Variants in ARB2A observed in about 807,000 individuals in gnomAD.
ARB2A encodes the protein ARB2 cotranscriptional regulator A.
the ARB2A span, chr5:93,621,272 GCCCGCGCCCCGCCCCTCAGCCAGGA>G: frequency 1.5e-6 from 1 of 662,238 alleles, no homozygotes; most frequent in Admixed American, 5.6e-5. Flanking sequence ...CGCCTCAGCC[GCCCGCGCCCCGCCCCTCAGCCAGGA>G]CCCCCGCCCC....
the ARB2A span, among the ~76,000 whole-genome samples, chr5:93,655,805 T>C: frequency 6.6e-6 from 1 of 152,200 alleles, no homozygotes; most frequent in Non-Finnish European, 1.5e-5. Flanking sequence ...GGGCCACATA[T>C]GACAACACCC....
the ARB2A span, among the ~76,000 whole-genome samples, chr5:94,083,635 T>C: frequency 6.6e-6 from 1 of 152,122 alleles, no homozygotes; most frequent in South Asian, 2.1e-4. Flanking sequence ...CAGAAAAGAA[T>C]GCCCATCATT....
the ARB2A span, among the ~76,000 whole-genome samples, chr5:93,995,687 C>T: frequency 7.3e-4 from 111 of 152,072 alleles, no homozygotes; most frequent in Non-Finnish European, 1.5e-3. Context: ...GGGTCAACTG[C>T]AGTTTGTTAT....
chr5:93,634,671 T>C, the ARB2A span, among the ~76,000 whole-genome samples: 1 of 152,104 alleles, frequency 6.6e-6, no homozygotes, highest in Non-Finnish European at 1.5e-5. Flanking sequence ...AGTCAAACTT[T>C]AAGTGTTCAT....
At chr5:94,044,647 T>C in the ARB2A span, among the ~76,000 whole-genome samples, 2 of 152,078 alleles carry the variant, frequency 1.3e-5, no homozygotes, top group African/African-American at 4.8e-5. Flanking sequence ...TGAGACCTAC[T>C]GGGCTGCATT....
chr5:94,012,073 G>A, the ARB2A span, among the ~76,000 whole-genome samples: 3 of 152,052 alleles, frequency 2.0e-5, no homozygotes, highest in Non-Finnish European at 4.4e-5. Context: ...AAGTCACAAT[G>A]TTAAATATTG....
chr5:93,635,458 A>ATTTTTTTTTTTTTT, the ARB2A span, among the ~76,000 whole-genome samples: 1 of 140,700 alleles, frequency 7.1e-6, no homozygotes, highest in African/African-American at 3.0e-5. Flanking sequence ...TTTATACGAA[A>ATTTTTTTTTTTTTT]GTTTTTTTTT....
the ARB2A span, among the ~76,000 whole-genome samples, chr5:93,872,178 C>G: frequency 6.6e-6 from 1 of 152,062 alleles, no homozygotes; most frequent in East Asian, 1.9e-4. Context: ...GAAATCCTGA[C>G]TTCAAGTGAT....
chr5:93,822,497 A>C, the ARB2A span, among the ~76,000 whole-genome samples: 4 of 152,200 alleles, frequency 2.6e-5, no homozygotes, highest in African/African-American at 7.2e-5. Context: ...GAACTCTAAA[A>C]TTTGATTAGC....
chr5:93,807,496 T>C, the ARB2A span, among the ~76,000 whole-genome samples: 2 of 151,990 alleles, frequency 1.3e-5, no homozygotes, highest in Admixed American at 6.6e-5. Context: ...CACTGTTTCA[T>C]AGTGAAACTA....
the ARB2A span, among the ~76,000 whole-genome samples, chr5:93,855,345 T>C: frequency 6.6e-6 from 1 of 152,158 alleles, no homozygotes. Flanking sequence ...TTTGAGCCTA[T>C]GTGTGTCTCT....
the ARB2A span, among the ~76,000 whole-genome samples, chr5:93,660,241 G>A: frequency 1.3e-5 from 2 of 152,062 alleles, no homozygotes; most frequent in Non-Finnish European, 2.9e-5. Context: ...AAGTTTACCG[G>A]AGTTAAGTAT....
At chr5:93,638,043 CATT>C in the ARB2A span, among the ~76,000 whole-genome samples, 2 of 152,352 alleles carry the variant, frequency 1.3e-5, no homozygotes, top group South Asian at 4.1e-4. Context: ...TATTCTCAAA[CATT>C]GTTGCTGGAA....
At chr5:94,106,508 T>C in the ARB2A span, among the ~76,000 whole-genome samples, 1 of 152,014 alleles carries the variant, frequency 6.6e-6, no homozygotes, top group South Asian at 2.1e-4. Flanking sequence ...GAAAACTGAA[T>C]GCTTATACAG....
the ARB2A span, among the ~76,000 whole-genome samples, chr5:93,925,801 A>G: frequency 6.6e-6 from 1 of 152,180 alleles, no homozygotes; most frequent in Admixed American, 6.5e-5. Flanking sequence ...GACGCAGTTA[A>G]TAAGAAAAAA....
At chr5:93,974,385 T>C in the ARB2A span, among the ~76,000 whole-genome samples, 1 of 152,148 alleles carries the variant, frequency 6.6e-6, no homozygotes, top group Non-Finnish European at 1.5e-5. Context: ...TATTACATAA[T>C]GATAAAGGGT....
chr5:93,762,406 A>G, the ARB2A span, among the ~76,000 whole-genome samples: 2 of 152,248 alleles, frequency 1.3e-5, no homozygotes, highest in Non-Finnish European at 2.9e-5. Context: ...TGACGAATGC[A>G]CAAGCCTCAG....
the ARB2A span, chr5:93,805,630 A>G: frequency 3.0e-6 from 3 of 985,032 alleles, no homozygotes; most frequent in Middle Eastern, 5.2e-4. Context: ...CATTTCTCCA[A>G]TTTGGGTCCA....
the ARB2A span, among the ~76,000 whole-genome samples, chr5:93,965,467 C>A: frequency 6.6e-6 from 1 of 151,962 alleles, no homozygotes; most frequent in Non-Finnish European, 1.5e-5. Context: ...GACTTCTGAT[C>A]TACAGAATTG....
Sources: gnomAD v4.1 joint callset for allele counts (sites outside exome capture counted in the v4.1 genomes callset) on GRCh38, gnomAD v4.1.1 for gene constraint, MANE v1.5 for transcripts, NCBI Gene and HGNC (gene_info 2026-07-23, HGNC 2026-07-21) for gene names.